The following IFNAR2 variants were observed in gnomAD, a reference collection of about 807,000 sequenced individuals.
The protein encoded by IFNAR2 is interferon alpha/beta receptor 2.
A neutral mutation model predicts 49.4 loss-of-function variants in IFNAR2; 30 were observed. The observed-to-expected ratio is 0.61, with a 90% CI of 0.45 to 0.82. The LOEUF (loss-of-function observed/expected upper bound fraction) is 0.82, where lower values mean the gene tolerates loss of function less well. IFNAR2 is among the 40% of genes least tolerant of loss of function. IFNAR2 has a pLI of 0.00. For synonymous variants in IFNAR2, 224 were observed against 234.5 expected (o/e 0.96, Z 0.41); for missense variants, 600 against 622.7 (o/e 0.96, Z 0.39).
chr21:33,231,948 C>T (rs1388729461), intron 1 of IFNAR2, among the ~76,000 whole-genome samples: 4 of 152,166 alleles, frequency 2.6e-5, no homozygotes, highest in Non-Finnish European at 4.4e-5. Context: ...CTATGTTACC[C>T]AGCCTGGTCT....
chr21:33,252,500 T>C (rs1331394258), intron 6 of IFNAR2, 162 bp from the exon 7 acceptor site: 1 of 985,104 alleles, frequency 1.0e-6, no homozygotes, highest in African/African-American at 1.7e-5. Flanking sequence ...GGTGTAGTTT[T>C]CTGATAAATT....
chr21:33,230,479 C>G lies in IFNAR2; in HGVS notation c.-84+263C>G. 4.3e-6 allele frequency: 2 copies of G among 470,204 alleles called. No individual in the cohort carries two copies. Among genetic ancestry groups the G allele is most frequent in the Non-Finnish European group, 8.8e-6 (2 of 226,846 alleles). 29.1% of individuals were successfully genotyped at this position (470,204 alleles called of 1,614,324 possible). Reference sequence around the variant, plus strand: ...CCACGCGTCGCCCCTGCTGGGAGTCCGCTTTCGTTGCACCCCTCCGCGTCC... The same window carrying G: ...CCACGCGTCGCCCCTGCTGGGAGTCGGCTTTCGTTGCACCCCTCCGCGTCC... On this transcript the variant is annotated intron_variant, in intron 1 of 8. Coordinates refer to ENST00000342136, the MANE Select transcript of IFNAR2 (RefSeq NM_001289125.3). The surrounding 1 kb of genome is among the most constrained non-coding windows in gnomAD (Gnocchi z 5.5).
chr21:33,237,704 G>A (rs981633543), intron 1 of IFNAR2, among the ~76,000 whole-genome samples: 1 of 152,084 alleles, frequency 6.6e-6, no homozygotes, highest in Non-Finnish European at 1.5e-5. Context: ...TTAGTTCCAG[G>A]CAGTCGTGCT....
intron 1 of IFNAR2, among the ~76,000 whole-genome samples, chr21:33,232,287 G>A (rs1438488189): frequency 1.3e-5 from 2 of 152,150 alleles, no homozygotes; most frequent in Admixed American, 1.3e-4. Context: ...GAATGAAACT[G>A]GGGGCTATGC....
Position 33,265,290 on chromosome 21 carries a change from C to G in IFNAR2, c.*1790C>G, listed in dbSNP as rs1988888312. The G allele has an allele frequency of 6.6e-6, 1 of 152,308 alleles. No homozygotes were observed. The highest frequency in any genetic ancestry group is 2.4e-5 in the African/African-American group (1 of 41,436). The allele number at this position is 152,308 out of a possible 1,614,324, so 9.4% of individuals were successfully genotyped here. A position where few individuals can be genotyped will look rare whatever the true frequency, so the allele number is the denominator to read the frequency against. On this transcript the variant is annotated 3_prime_UTR_variant, in exon 9 of 9. Coordinates refer to ENST00000342136, the MANE Select transcript of IFNAR2 (RefSeq NM_001289125.3). ...AGGCACAGGACCTCTTACCCCTCAC[C>G]CCTGCCCCCCTCAAGAGCTGGTTTC...
intron 5 of IFNAR2, among the ~76,000 whole-genome samples, chr21:33,247,317 T>G (rs1987515071): frequency 6.7e-6 from 1 of 148,794 alleles, no homozygotes; most frequent in African/African-American, 2.5e-5. Context: ...AGTGGTGCGA[T>G]CTTCGCTCAC....
rs1167784875 is a variant in IFNAR2, at chr21:33,263,293, G to A, written c.1341G>A (p.Leu447=). The part of the protein sequence containing the change: ...DEDSDDLEAP[L]MLSSHLEEMV... ...ACAGTGACGACTTAGAAGCCCCTCT[G>A]ATGCTATCGTCTCATCTGGAAGAGA... is the stretch of plus-strand genomic sequence containing the variant. Residue 447 remains leucine, a synonymous_variant, in exon 9 of 9, where the codon CTG becomes CTA. Coordinates refer to ENST00000342136, the MANE Select transcript of IFNAR2 (RefSeq NM_001289125.3). The A allele has an allele frequency of 1.9e-6, 3 of 1,614,074 alleles. No individual in the cohort carries two copies. Among genetic ancestry groups the A allele is most frequent in the African/African-American group, 1.3e-5 (1 of 74,918 alleles).
rs34865572 is a variant in IFNAR2 at position 33,262,774 on chromosome 21, C to CT, written c.841-4dup. The CT allele has an allele frequency of 0.057, 73,836 of 1,292,552 alleles. 1 individual carries two copies. Among genetic ancestry groups the CT allele is most frequent in the Non-Finnish European group, 0.064 (60,808 of 944,240 alleles). 80.1% of individuals were successfully genotyped at this position (1,292,552 alleles called of 1,614,324 possible). A position where few individuals can be genotyped will look rare whatever the true frequency, so the allele number is the denominator to read the frequency against. ...TACAGCTGATACGGACTCTCTCTCTCTTTTTTTTTTTTTTTAAGAATTTTC... is the reference window on the plus strand; with the variant it reads ...TACAGCTGATACGGACTCTCTCTCTCTTTTTTTTTTTTTTTTAAGAATTTTC... On this transcript the variant is annotated intron_variant, in intron 8 of 8. Transcript: ENST00000342136.
In IFNAR2 at chr21:33,244,938, T is replaced by G; in HGVS notation, c.98-13T>G. On this transcript the variant is annotated splice_polypyrimidine_tract_variant and intron_variant, in intron 3 of 8. Coordinates refer to ENST00000342136, the MANE Select transcript of IFNAR2 (RefSeq NM_001289125.3). ...GTTCCAAATTTCAATGCCCTTTTTCTTCTTCTCTTTAGATTACACAGATGA... is the reference window on the plus strand; with the variant it reads ...GTTCCAAATTTCAATGCCCTTTTTCGTCTTCTCTTTAGATTACACAGATGA... The G allele has an allele frequency of 6.2e-7, 1 of 1,607,476 alleles. No homozygotes were observed.
At position 33,248,369 on chromosome 21, in the gene IFNAR2, G is replaced by GAA. The variant is rs535784184; in HGVS notation, c.395-338_395-337dup. Among the ~76,000 whole-genome samples, 394 of 105,806 alleles carry GAA rather than the reference G, an allele frequency of 3.7e-3. 5 individuals carry two copies. The highest frequency in any genetic ancestry group is 0.014 in the African/African-American group (377 of 26,566). 69.4% of individuals were successfully genotyped at this position (105,806 alleles called of 152,430 possible). On this transcript the variant is annotated intron_variant, in intron 5 of 8. Coordinates refer to ENST00000342136, the MANE Select transcript of IFNAR2 (RefSeq NM_001289125.3). ...ATTAAAAAAGAAAGAGAGAAAGAAA[G>GAA]AAAGTTAGGGGGGAGGGAGGGAGGG...
rs145097559 is a variant in IFNAR2, at chr21:33,245,152, C to G, written c.221+78C>G. The G allele has an allele frequency of 8.1e-4, 870 of 1,070,396 alleles. 14 individuals are homozygous for G. In the East Asian group the frequency reaches 0.017, roughly 21 times the overall value. 66.3% of individuals were successfully genotyped at this position (1,070,396 alleles called of 1,614,324 possible). A position where few individuals can be genotyped will look rare whatever the true frequency, so the allele number is the denominator to read the frequency against. ...TGGGGAGAGGTGATCTTTTCTCTCT[C>G]TCTGTCTCTCCCTCTCCCTTTTCCT... On this transcript the variant is annotated intron_variant, in intron 4 of 8. Coordinates refer to ENST00000342136, the MANE Select transcript of IFNAR2 (RefSeq NM_001289125.3).
rs762531373 is a variant in IFNAR2 at position 33,262,887 on chromosome 21, A to G, written c.935A>G (p.Lys312Arg). The change falls in exon 9 of 9, where the codon AAA (lysine) becomes AGA (arginine). Residue 312 changes from lysine to arginine, a missense_variant. By Grantham distance (26) the Lys-to-Arg change is conservative. Transcript: ENST00000342136. ...VEVIYINRKK[K>R]VWDYNYDDES... is the part of the protein sequence containing the mutation. ...GTCATTTACATCAACAGAAAGAAGAAAGTGTGGGATTATAATTATGATGAT... is the reference window on the plus strand; with the variant it reads ...GTCATTTACATCAACAGAAAGAAGAGAGTGTGGGATTATAATTATGATGAT... 2 of 1,614,142 alleles carry G rather than the reference A, an allele frequency of 1.2e-6. No homozygotes were observed. The highest frequency in any genetic ancestry group is 1.7e-6 in the Non-Finnish European group (2 of 1,180,026).
chr21:33,233,669 G>A (rs940036892), intron 1 of IFNAR2, among the ~76,000 whole-genome samples: 1 of 151,822 alleles, frequency 6.6e-6, no homozygotes, highest in Non-Finnish European at 1.5e-5. Flanking sequence ...TTTTTTTTCC[G>A]GAAGAACAAA....
chr21:33,252,081 C>CATCT (rs61192253), intron 6 of IFNAR2: 36,440 of 380,534 alleles, frequency 0.096, 2,220 homozygotes, highest in African/African-American at 0.22. Context: ...AGACCCCATC[C>CATCT]ATCTATCTAT....
At chr21:33,234,026 A>G (rs1568874321) in intron 1 of IFNAR2, among the ~76,000 whole-genome samples, 1 of 152,038 alleles carries the variant, frequency 6.6e-6, no homozygotes, top group African/African-American at 2.4e-5. Context: ...ATGTGAATAT[A>G]TAATACTGCA....
Position 33,263,807 on chromosome 21 carries a change from A to G in IFNAR2, c.*307A>G, listed in dbSNP as rs142225927. On this transcript the variant is annotated 3_prime_UTR_variant, in exon 9 of 9. Transcript: ENST00000342136. ...TCTACCAGGGAGCAGGGTTCCCCACAGTTTCAGAGGTGGTCCAGGACCCTA... is the reference window on the plus strand; with the variant it reads ...TCTACCAGGGAGCAGGGTTCCCCACGGTTTCAGAGGTGGTCCAGGACCCTA... The G allele has an allele frequency of 1.6e-3, 526 of 321,460 alleles. 5 individuals are homozygous for G. Among genetic ancestry groups the G allele is most frequent in the African/African-American group, 0.01 (482 of 46,572 alleles). The allele number at this position is 321,460 out of a possible 1,614,324, so 19.9% of individuals were successfully genotyped here.
rs779096738 is a variant in IFNAR2 at position 33,263,077 on chromosome 21, G to A, written c.1125G>A (p.Val375=). The A allele has an allele frequency of 3.7e-6, 6 of 1,614,032 alleles. No homozygotes were observed. Among genetic ancestry groups the A allele is most frequent in the African/African-American group, 1.3e-5 (1 of 74,914 alleles). ...EEEPDLPEVD[V]ELPTMPKDSP... The stretch of plus-strand genomic sequence containing the variant: ...AGCCTGACCTGCCTGAGGTTGATGT[G>A]GAGCTCCCCACGATGCCAAAGGACA... The change falls in exon 9 of 9, where the codon GTG becomes GTA. Residue 375 remains valine (V), a synonymous_variant. Transcript: ENST00000342136.
chr21:33,245,269 A>G (rs951610241), intron 4 of IFNAR2, among the ~76,000 whole-genome samples, 195 bp downstream of exon 4: 1 of 152,240 alleles, frequency 6.6e-6, no homozygotes, highest in Admixed American at 6.5e-5. Context: ...ATTCAGTTGA[A>G]TACTTTAATA....
At chr21:33,261,010 ATCTGTGCATT>A in intron 8 of IFNAR2, among the ~76,000 whole-genome samples, 1 of 60,642 alleles carries the variant, frequency 1.6e-5, no homozygotes, top group East Asian at 1.2e-3. Context: ...GTATCTGTGC[ATCTGTGCATT>A]TTATGTTTTC....
Sources: allele counts gnomAD v4.1 joint callset (sites outside exome capture counted in the v4.1 genomes callset), GRCh38; gene constraint gnomAD v4.1.1; non-coding constraint Gnocchi (gnomAD v3.1); transcripts MANE v1.5; gene names NCBI Gene and HGNC (gene_info 2026-07-23, HGNC 2026-07-21).